The following LRMDA variants were observed in gnomAD, a reference collection of about 807,000 sequenced individuals.
LRMDA encodes leucine-rich melanocyte differentiation-associated protein.
LRMDA carries 18 observed loss-of-function variants against 29.8 expected under a neutral mutation model. The ratio of observed to expected loss-of-function variants is 0.60; its 90% CI spans 0.42 to 0.90. The LOEUF is 0.90. Ranked by LOEUF, LRMDA falls within the 40% of genes least tolerant of loss-of-function variation. LRMDA has a pLI of 0.00. For synonymous variants in LRMDA, 125 were observed against 109.4 expected (o/e 1.14, Z -0.89); for missense variants, 273 against 273.9 (o/e 1.00, Z 0.02).
intron 2 of LRMDA, among the ~76,000 whole-genome samples, chr10:75,537,755 C>G (rs1839967510): frequency 6.6e-6 from 1 of 152,144 alleles, no homozygotes. Flanking sequence ...GAATTCTCAG[C>G]CTGGCATGCA....
Position 75,845,490 on chromosome 10 carries a change from A to G in LRMDA, c.132-190518A>G, listed in dbSNP as rs184419169. 1.1e-3 allele frequency among the ~76,000 whole-genome samples: 169 copies of G among 152,214 alleles called. 1 individual carries two copies. The highest frequency in any genetic ancestry group is 3.9e-3 in the African/African-American group (161 of 41,526). ...TGTTTCCCTGGCTTCTGTGTCCCTCATTGGCATTTGGCAGTCTCATGCTCC... is the reference window on the plus strand; with the variant it reads ...TGTTTCCCTGGCTTCTGTGTCCCTCGTTGGCATTTGGCAGTCTCATGCTCC... On this transcript the variant is annotated intron_variant, in intron 2 of 6. Transcript: ENST00000611255.
intron 2 of LRMDA, among the ~76,000 whole-genome samples, chr10:75,833,434 T>C (rs1291738467): frequency 6.7e-6 from 1 of 148,306 alleles, no homozygotes; most frequent in Non-Finnish European, 1.5e-5. Context: ...GATTGGAGCC[T>C]TTTCCTCCTT....
In LRMDA at chr10:75,493,346, T is replaced by TGGGTGG. The variant is rs1363464877; in HGVS notation, c.131+54857_131+54858insGGGGTG. 1.7e-3 allele frequency among the ~76,000 whole-genome samples: 173 copies of TGGGTGG among 99,112 alleles called. 1 individual carries two copies. The highest frequency in any genetic ancestry group is 2.9e-3 in the Non-Finnish European group (133 of 46,434). 65.0% of individuals were successfully genotyped at this position (99,112 alleles called of 152,430 possible). On this transcript the variant is annotated intron_variant, in intron 2 of 6. Coordinates refer to ENST00000611255, the MANE Select transcript of LRMDA (RefSeq NM_001305581.2). ...AGAGAGAGCCATAGAGGGTTGAGAT[T>TGGGTGG]GGGTGTGTGTGTGTGTGTGTGTGTG... is the stretch of plus-strand genomic sequence containing the variant.
At chr10:75,622,159 AT>A (rs1321282652) in intron 2 of LRMDA, among the ~76,000 whole-genome samples, 1 of 152,158 alleles carries the variant, frequency 6.6e-6, no homozygotes, top group Non-Finnish European at 1.5e-5. Context: ...TGTGCATTTA[AT>A]TTTTTTAGGG....
intron 6 of LRMDA, among the ~76,000 whole-genome samples, chr10:76,372,856 G>A (rs1841471139): frequency 6.6e-6 from 1 of 152,024 alleles, no homozygotes; most frequent in South Asian, 2.1e-4. Flanking sequence ...TGAACTTGAA[G>A]GGTCCCATTT....
chr10:75,492,422 T>C (rs1844999446), intron 2 of LRMDA, among the ~76,000 whole-genome samples: 1 of 152,226 alleles, frequency 6.6e-6, no homozygotes, highest in Admixed American at 6.5e-5. Flanking sequence ...GCCTGCAGTA[T>C]GTTAAATGAA....
intron 2 of LRMDA, among the ~76,000 whole-genome samples, chr10:75,999,498 A>T (rs1443590945): frequency 6.6e-6 from 1 of 152,224 alleles, no homozygotes; most frequent in Non-Finnish European, 1.5e-5. Context: ...GATTGATTTG[A>T]ATGAAAAAAA....
At chr10:76,301,080 A>T (rs572838425) in intron 5 of LRMDA, among the ~76,000 whole-genome samples, 1 of 152,284 alleles carries the variant, frequency 6.6e-6, no homozygotes, top group South Asian at 2.1e-4. Context: ...TCTGGTTAAG[A>T]TGTTCAGGAG....
At chr10:75,695,553 G>A (rs989863368) in intron 2 of LRMDA, among the ~76,000 whole-genome samples, 3 of 151,790 alleles carry the variant, frequency 2.0e-5, no homozygotes, top group African/African-American at 7.3e-5. Context: ...ATCCCTTATA[G>A]CTGTATCTCC....
chr10:75,669,436 G>A (rs1170340166), intron 2 of LRMDA, among the ~76,000 whole-genome samples: 4 of 152,110 alleles, frequency 2.6e-5, no homozygotes, highest in Non-Finnish European at 5.9e-5. Flanking sequence ...ACCATACATG[G>A]CCTCCCCAGG....
intron 5 of LRMDA, among the ~76,000 whole-genome samples, chr10:76,179,404 C>T (rs1851002496): frequency 6.6e-6 from 1 of 151,878 alleles, no homozygotes; most frequent in Admixed American, 6.6e-5. Context: ...GAGGTGTTTG[C>T]CTCAAGTGAC....
intron 2 of LRMDA, among the ~76,000 whole-genome samples, chr10:75,608,537 T>C (rs1840988369): frequency 6.6e-6 from 1 of 152,178 alleles, no homozygotes; most frequent in African/African-American, 2.4e-5. Context: ...CTACATTAAT[T>C]AGTTTGACTA....
intron 6 of LRMDA, among the ~76,000 whole-genome samples, chr10:76,505,512 T>C (rs950826252): frequency 1.3e-5 from 2 of 152,102 alleles, no homozygotes; most frequent in African/African-American, 4.8e-5. Context: ...TAACTGGTCT[T>C]CAAGCTCTGA....
chr10:75,517,723 A>G (rs1236657242), intron 2 of LRMDA, among the ~76,000 whole-genome samples: 4 of 152,218 alleles, frequency 2.6e-5, no homozygotes, highest in African/African-American at 9.7e-5. Flanking sequence ...CCTGGGCAGA[A>G]CTTCTAACAC....
intron 2 of LRMDA, among the ~76,000 whole-genome samples, chr10:75,471,530 C>G (rs1395735688): frequency 6.6e-6 from 1 of 152,318 alleles, no homozygotes; most frequent in East Asian, 1.9e-4. Context: ...CAGTATTAGA[C>G]CTGGGTTCTG....
At chr10:76,028,595 A>G (rs1848098730) in intron 2 of LRMDA, among the ~76,000 whole-genome samples, 1 of 152,126 alleles carries the variant, frequency 6.6e-6, no homozygotes, top group Non-Finnish European at 1.5e-5. Flanking sequence ...TGTGATAAAC[A>G]TCTCCTTAAC....
chr10:75,880,740 C>T (rs1845280448), intron 2 of LRMDA, among the ~76,000 whole-genome samples: 1 of 152,202 alleles, frequency 6.6e-6, no homozygotes, highest in Admixed American at 6.5e-5. Context: ...TGCAGTTATG[C>T]TCTGTATTTT....
intron 2 of LRMDA, among the ~76,000 whole-genome samples, chr10:75,859,180 T>A (rs1412761004): frequency 6.6e-6 from 1 of 152,222 alleles, no homozygotes; most frequent in South Asian, 2.1e-4. Context: ...ATGGCCTTAT[T>A]ATGGGCCTTT....
chr10:75,747,387 C>T (rs1245374126), intron 2 of LRMDA, among the ~76,000 whole-genome samples: 2 of 152,088 alleles, frequency 1.3e-5, no homozygotes, highest in Non-Finnish European at 2.9e-5. Context: ...TGGAAACACT[C>T]AGGAAAGAAT....
Sources: gnomAD v4.1 joint callset for allele counts (sites outside exome capture counted in the v4.1 genomes callset) on GRCh38, gnomAD v4.1.1 for gene constraint, MANE v1.5 for transcripts, NCBI Gene and HGNC (gene_info 2026-07-23, HGNC 2026-07-21) for gene names.